The following KAZN variants were observed in gnomAD, a reference collection of about 807,000 sequenced individuals.
KAZN encodes kazrin, periplakin interacting protein.
Under a neutral mutation model 87.4 loss-of-function variants are expected in KAZN, and 40 were observed. That is an observed-to-expected ratio of 0.46 (90% CI 0.36 to 0.60). KAZN has a LOEUF of 0.60. KAZN is among the 20% of genes least tolerant of loss of function. The pLI, the probability that KAZN is intolerant of heterozygous loss-of-function variation, is 0.00. For synonymous variants in KAZN, 466 were observed against 458.3 expected (o/e 1.02, Z -0.22); for missense variants, 898 against 1,073.9 (o/e 0.84, Z 2.29).
intron 2 of KAZN, among the ~76,000 whole-genome samples, chr1:14,400,837 A>T (rs188041973): frequency 6.6e-6 from 1 of 152,344 alleles, no homozygotes; most frequent in East Asian, 1.9e-4. Context: ...TTAGCATTGA[A>T]CACTGGTTAA....
intron 1 of KAZN, among the ~76,000 whole-genome samples, chr1:14,162,209 C>T (rs1188026418): frequency 6.6e-6 from 1 of 152,154 alleles, no homozygotes; most frequent in Non-Finnish European, 1.5e-5. Context: ...CTGCTTTTTG[C>T]TGGTAGAACT....
chr1:14,222,756 G>C (rs919217466), intron 2 of KAZN, among the ~76,000 whole-genome samples: 3 of 152,164 alleles, frequency 2.0e-5, no homozygotes, highest in Non-Finnish European at 4.4e-5. Context: ...CAAAATCTAA[G>C]GATGACGTTC....
chr1:14,887,906 G>A (rs1557591195), intron 1 of KAZN, among the ~76,000 whole-genome samples: 1 of 151,990 alleles, frequency 6.6e-6, no homozygotes, highest in Non-Finnish European at 1.5e-5. Context: ...TGTGTTTGCT[G>A]TGTGGATGGG....
intron 2 of KAZN, among the ~76,000 whole-genome samples, chr1:14,421,202 C>T (rs1022621296): frequency 1.3e-5 from 2 of 152,192 alleles, no homozygotes; most frequent in African/African-American, 4.8e-5. Flanking sequence ...TGTTTGCCCT[C>T]ATTATTCAGG....
chr1:14,732,414 G>A (rs1643717623), intron 1 of KAZN, among the ~76,000 whole-genome samples: 1 of 152,172 alleles, frequency 6.6e-6, no homozygotes, highest in African/African-American at 2.4e-5. Context: ...CGAGGCAGGT[G>A]TATTGCTTGA....
At chr1:14,178,368 G>C (rs535751774) in intron 1 of KAZN, among the ~76,000 whole-genome samples, 1 of 152,126 alleles carries the variant, frequency 6.6e-6, no homozygotes, top group East Asian at 1.9e-4. Context: ...TTAGATATAC[G>C]TTAGCTTTAT....
intron 2 of KAZN, among the ~76,000 whole-genome samples, chr1:14,387,182 C>A (rs891387774): frequency 6.6e-6 from 1 of 152,156 alleles, no homozygotes; most frequent in East Asian, 1.9e-4. Context: ...TTAAGCACTT[C>A]TCTGTATTGG....
chr1:14,903,968 G>A (rs533402600), intron 1 of KAZN, among the ~76,000 whole-genome samples: 6 of 152,180 alleles, frequency 3.9e-5, no homozygotes, highest in Admixed American at 2.6e-4. Context: ...GCAGCATTCT[G>A]TCTTAATCTC....
At chr1:14,691,095 CA>C (rs1288983154) in intron 1 of KAZN, among the ~76,000 whole-genome samples, 3 of 152,174 alleles carry the variant, frequency 2.0e-5, no homozygotes, top group African/African-American at 7.2e-5. Flanking sequence ...GCTGACTAAA[CA>C]AGCGCTGACT....
rs541038149 is a variant in KAZN at position 14,952,853 on chromosome 1, A to G, written c.227-7831A>G. 1.3e-3 allele frequency among the ~76,000 whole-genome samples: 192 copies of G among 152,306 alleles called. 2 individuals are homozygous for G. Among genetic ancestry groups the G allele is most frequent in the African/African-American group, 4.4e-3 (181 of 41,546 alleles). ...TTCCGAAATGATCATGATGAGCTAC[A>G]TTTGACCCTCATGTAGAACCTTCCG... is the stretch of plus-strand genomic sequence containing the variant. On this transcript the variant is annotated intron_variant, in intron 1 of 14. Transcript: ENST00000376030.
chr1:14,641,064 A>G (rs1295053652), intron 1 of KAZN, among the ~76,000 whole-genome samples: 1 of 152,226 alleles, frequency 6.6e-6, no homozygotes, highest in Non-Finnish European at 1.5e-5. Context: ...CAGTCCCAGC[A>G]GAAGTCCTGG....
chr1:14,103,744 T>C (rs1354691630), intron 1 of KAZN, among the ~76,000 whole-genome samples: 1 of 152,138 alleles, frequency 6.6e-6, no homozygotes, highest in Admixed American at 6.5e-5. Flanking sequence ...TCCAGGATAA[T>C]CTCCCTATTT....
At chr1:14,759,962 T>C (rs1644689785) in intron 1 of KAZN, among the ~76,000 whole-genome samples, 1 of 151,816 alleles carries the variant, frequency 6.6e-6, no homozygotes, top group African/African-American at 2.4e-5. Flanking sequence ...CTTAAGTACC[T>C]GGGAATTAAT....
intron 1 of KAZN, among the ~76,000 whole-genome samples, chr1:14,926,793 TCA>T (rs1223377537): frequency 3.2e-4 from 49 of 152,330 alleles, no homozygotes; most frequent in African/African-American, 1.1e-3. Context: ...TCCTCGAATC[TCA>T]GCACTTGATC....
intron 1 of KAZN, among the ~76,000 whole-genome samples, chr1:14,673,851 G>C (rs1640062446): frequency 6.6e-6 from 1 of 152,144 alleles, no homozygotes; most frequent in African/African-American, 2.4e-5. Context: ...CTCAGAGAAG[G>C]TCCTGTGTGT....
intron 2 of KAZN, among the ~76,000 whole-genome samples, chr1:14,288,261 C>A (rs990789815): frequency 6.6e-6 from 1 of 152,156 alleles, no homozygotes; most frequent in East Asian, 1.9e-4. Flanking sequence ...ACGGTACCAG[C>A]TCCTCTTTGT....
intron 1 of KAZN, among the ~76,000 whole-genome samples, chr1:14,947,960 G>T (rs1662028344): frequency 6.6e-6 from 1 of 152,222 alleles, no homozygotes; most frequent in Non-Finnish European, 1.5e-5. Flanking sequence ...CAGTGTTTCA[G>T]TCCAGAAGGA....
intron 2 of KAZN, among the ~76,000 whole-genome samples, chr1:14,590,651 A>C (rs1254226251): frequency 1.3e-5 from 2 of 152,170 alleles, no homozygotes; most frequent in African/African-American, 4.8e-5. Context: ...TGGATGCCTG[A>C]AGAATGAGAG....
chr1:14,746,117 C>G (rs1338319404), intron 1 of KAZN, among the ~76,000 whole-genome samples: 1 of 151,982 alleles, frequency 6.6e-6, no homozygotes, highest in Admixed American at 6.6e-5. Flanking sequence ...TTAAGTTATC[C>G]CAGTTCAAAA....
Sources: allele counts gnomAD v4.1 joint callset (sites outside exome capture counted in the v4.1 genomes callset), GRCh38; gene constraint gnomAD v4.1.1; transcripts MANE v1.5; gene names NCBI Gene and HGNC (gene_info 2026-07-23, HGNC 2026-07-21).